Variants in INPP4B observed in about 807,000 individuals in gnomAD.
The protein encoded by INPP4B is inositol polyphosphate 4-phosphatase type II.
In INPP4B, 55 loss-of-function variants were observed where a neutral mutation model predicts 122.5. The observed-to-expected ratio is 0.45, with a 90% CI of 0.36 to 0.56. INPP4B has a LOEUF of 0.56. Among genes scored for constraint, INPP4B ranks in the 20% least tolerant of loss-of-function variants. INPP4B has a pLI of 0.00. For missense variants in INPP4B, 1,000 were observed against 1,097.7 expected (o/e 0.91, Z 1.26); for synonymous variants, 403 against 388.7 (o/e 1.04, Z -0.43).
chr4:142,278,177 C>T lies in INPP4B; in HGVS notation c.504-7403G>A, dbSNP rs181259286. ...ACTGAATGCAGCTATAAAACCTAAA[C>T]GGAACACAAGGAGCAGCCATTTGAG... On this transcript the variant is annotated intron_variant, in intron 9 of 25. Transcript: ENST00000262992. 4.0e-3 allele frequency among the ~76,000 whole-genome samples: 604 copies of T among 152,018 alleles called. 2 individuals are homozygous for T. Among genetic ancestry groups the T allele is most frequent in the Middle Eastern group, 0.014 (4 of 294 alleles).
intron 1 of INPP4B, among the ~76,000 whole-genome samples, chr4:142,813,793 C>T (rs930107930): frequency 3.9e-5 from 6 of 152,150 alleles, no homozygotes; most frequent in African/African-American, 2.4e-5. Flanking sequence ...CCTCTTATCT[C>T]TCCCTTCCTT....
intron 2 of INPP4B, among the ~76,000 whole-genome samples, chr4:142,477,142 A>C (rs555120109): frequency 1.3e-4 from 20 of 152,346 alleles, no homozygotes; most frequent in African/African-American, 4.6e-4. Flanking sequence ...TATTAAGAGA[A>C]TTGCTCAAAA....
At chr4:142,660,443 T>C (rs1006850109) in intron 2 of INPP4B, among the ~76,000 whole-genome samples, 8 of 152,096 alleles carry the variant, frequency 5.3e-5, no homozygotes, top group African/African-American at 1.9e-4. Flanking sequence ...AAAAGGCATC[T>C]TCTTTTTATT....
chr4:142,839,206 C>T (rs570320878), intron 1 of INPP4B, among the ~76,000 whole-genome samples: 2 of 152,272 alleles, frequency 1.3e-5, no homozygotes, highest in East Asian at 1.9e-4. Flanking sequence ...GCCTGTAGTC[C>T]CATCACTTTT....
At chr4:142,392,337 G>A (rs1797966915) in intron 7 of INPP4B, among the ~76,000 whole-genome samples, 4 of 152,068 alleles carry the variant, frequency 2.6e-5, no homozygotes, top group Admixed American at 2.6e-4. Context: ...CCTTGTTTAT[G>A]CCTCTATGAA....
At chr4:142,108,007 A>G in intron 23 of INPP4B, 86 bp downstream of exon 23, 1 of 695,710 alleles carries the variant, frequency 1.4e-6, no homozygotes, top group Non-Finnish European at 2.5e-6. Flanking sequence ...CTGCTTCTGT[A>G]GTCCACTGAC....
At position 142,795,668 on chromosome 4, in the gene INPP4B, T is replaced by TA. The variant is rs1297588582; in HGVS notation, c.-254+50540dup. 4 of 152,080 alleles carry TA rather than the reference T, an allele frequency of 2.6e-5. No individual in the cohort carries two copies. In the East Asian group the frequency reaches 7.7e-4, roughly 29 times the overall value. The allele number at this position is 152,080 out of a possible 1,614,324, so 9.4% of individuals were successfully genotyped here. ...CAGTATCTGTCACATAGTAGGAGGT[T>TA]AAAAAATGCTAATTATCATCATTAT... On this transcript the variant is annotated intron_variant, in intron 1 of 25. Transcript: ENST00000262992.
chr4:142,820,641 T>A (rs1780688191), intron 1 of INPP4B, among the ~76,000 whole-genome samples: 1 of 152,162 alleles, frequency 6.6e-6, no homozygotes, highest in African/African-American at 2.4e-5. Flanking sequence ...TTGAGTAGGT[T>A]CTTAGAATTA....
At chr4:142,642,661 G>C (rs1047372226) in intron 2 of INPP4B, among the ~76,000 whole-genome samples, 2 of 152,118 alleles carry the variant, frequency 1.3e-5, no homozygotes, top group Non-Finnish European at 1.5e-5. Flanking sequence ...TGCTGTTTTG[G>C]TTACTGTAGC....
At chr4:142,316,781 T>G (rs1767862525) in intron 7 of INPP4B, among the ~76,000 whole-genome samples, 1 of 152,190 alleles carries the variant, frequency 6.6e-6, no homozygotes, top group South Asian at 2.1e-4. Context: ...GTAGAAAATT[T>G]TTGACAATTA....
chr4:142,201,181 G>C (rs977152336), intron 14 of INPP4B, among the ~76,000 whole-genome samples: 1 of 152,072 alleles, frequency 6.6e-6, no homozygotes, highest in Non-Finnish European at 1.5e-5. Context: ...TTGGAAAGTA[G>C]CTGCTGAATG....
intron 1 of INPP4B, among the ~76,000 whole-genome samples, chr4:142,741,886 G>A (rs1040851277): frequency 1.3e-5 from 2 of 151,728 alleles, no homozygotes; most frequent in Admixed American, 6.6e-5. Context: ...AAAAGTTTAA[G>A]GAGGCATTTA....
At chr4:142,271,305 A>T (rs1030351119) in intron 9 of INPP4B, among the ~76,000 whole-genome samples, 41 of 152,292 alleles carry the variant, frequency 2.7e-4, no homozygotes, top group African/African-American at 9.1e-4. Context: ...GTCGAAAAGT[A>T]CCTTAGGAAG....
chr4:142,738,369 A>G (rs966291321), intron 1 of INPP4B, among the ~76,000 whole-genome samples: 1 of 152,170 alleles, frequency 6.6e-6, no homozygotes, highest in African/African-American at 2.4e-5. Context: ...ACAAAAAACC[A>G]AACACCGCAT....
chr4:142,041,528 G>T (rs1454738168), intron 25 of INPP4B, among the ~76,000 whole-genome samples: 2 of 152,072 alleles, frequency 1.3e-5, no homozygotes, highest in African/African-American at 2.4e-5. Flanking sequence ...TGAGGCAAGA[G>T]AATCACTTGA....
intron 2 of INPP4B, among the ~76,000 whole-genome samples, chr4:142,635,664 C>T (rs1748983457): frequency 1.3e-5 from 2 of 151,978 alleles, no homozygotes; most frequent in Admixed American, 6.6e-5. Flanking sequence ...GAGGAGAACA[C>T]ATAAACACAA....
chr4:142,723,025 C>T (rs1764886667), intron 2 of INPP4B, among the ~76,000 whole-genome samples: 1 of 71,272 alleles, frequency 1.4e-5, no homozygotes, highest in Non-Finnish European at 3.0e-5. Flanking sequence ...TGTATCATTT[C>T]CTACATCAAA....
At chr4:142,106,462 G>C (rs980023062) in intron 23 of INPP4B, among the ~76,000 whole-genome samples, 6 of 152,178 alleles carry the variant, frequency 3.9e-5, no homozygotes, top group African/African-American at 7.2e-5. Context: ...TGTATTTTCT[G>C]TAGAGATGGG....
chr4:142,603,658 A>T (rs184251825), intron 2 of INPP4B, among the ~76,000 whole-genome samples: 4 of 152,220 alleles, frequency 2.6e-5, no homozygotes, highest in Admixed American at 2.0e-4. Flanking sequence ...CCAAAATAAA[A>T]TCAGAAAGAA....
Sources: allele counts gnomAD v4.1 joint callset (sites outside exome capture counted in the v4.1 genomes callset), GRCh38; gene constraint gnomAD v4.1.1; transcripts MANE v1.5; gene names NCBI Gene and HGNC (gene_info 2026-07-23, HGNC 2026-07-21).